The following KIF13B variants were observed in gnomAD, a reference collection of about 807,000 sequenced individuals.
KIF13B encodes kinesin family member 13B.
In KIF13B, 127 loss-of-function variants were observed where a neutral mutation model predicts 222.0. The observed-to-expected ratio is 0.57, with a 90% CI of 0.50 to 0.66. The LOEUF is 0.66. KIF13B is among the 30% of genes least tolerant of loss of function. KIF13B has a pLI of 0.00. For missense variants in KIF13B, 2,173 were observed against 2,379.0 expected (o/e 0.91, Z 1.80); for synonymous variants, 976 against 919.0 (o/e 1.06, Z -1.12).
At chr8:29,211,044 G>A (rs1814198330) in intron 2 of KIF13B, among the ~76,000 whole-genome samples, 1 of 152,220 alleles carries the variant, frequency 6.6e-6, no homozygotes, top group Non-Finnish European at 1.5e-5. Context: ...CACGGCCTAG[G>A]AGGGGTGCAA....
At position 29,196,201 on chromosome 8, in the gene KIF13B, T is replaced by C. The variant is rs866768960; in HGVS notation, c.150-2A>G. Reference sequence around the variant, plus strand: ...AAATCTCTTACCTTCGGCTGGCCCCTGAGCTCCCAAAACAGATGTCATCAT... The same window carrying C: ...AAATCTCTTACCTTCGGCTGGCCCCCGAGCTCCCAAAACAGATGTCATCAT... On this transcript the variant is annotated splice_acceptor_variant, in intron 2 of 39. Coordinates refer to ENST00000524189, the MANE Select transcript of KIF13B (RefSeq NM_015254.4). LOFTEE classifies it high-confidence loss of function. The C allele has an allele frequency of 6.4e-7, 1 of 1,561,824 alleles. No individual in the cohort carries two copies. The highest frequency in any genetic ancestry group is 8.7e-7 in the Non-Finnish European group (1 of 1,152,332).
In KIF13B at chr8:29,092,754, G is replaced by A. The variant is rs527307872; in HGVS notation, c.4449C>T (p.Leu1483=). 24 of 1,612,196 alleles carry A rather than the reference G, an allele frequency of 1.5e-5. No individual in the cohort carries two copies. Among genetic ancestry groups the A allele is most frequent in the Middle Eastern group, 1.7e-4 (1 of 6,050 alleles). The change falls in exon 37 of 40, where the codon CTC becomes CTT. Residue 1483 remains leucine (L), a synonymous_variant. Coordinates refer to ENST00000524189, the MANE Select transcript of KIF13B (RefSeq NM_015254.4). ...DEKRGKRPSP[L]AHQPVPRIMV... ...TCTCGGTGCTTTTTACCTGGTGTGCGAGGGGAGACGGCCGCTTGCCCCTCT... is the reference window on the plus strand; with the variant it reads ...TCTCGGTGCTTTTTACCTGGTGTGCAAGGGGAGACGGCCGCTTGCCCCTCT...
intron 37 of KIF13B, among the ~76,000 whole-genome samples, chr8:29,075,618 A>G (rs887819272): frequency 6.6e-6 from 1 of 152,238 alleles, no homozygotes; most frequent in African/African-American, 2.4e-5. Context: ...ACATATGCAC[A>G]TGTGAACCGA....
chr8:29,102,407 C>T (rs971513712), intron 35 of KIF13B, among the ~76,000 whole-genome samples: 10 of 152,244 alleles, frequency 6.6e-5, no homozygotes, highest in African/African-American at 2.2e-4. Flanking sequence ...CCCAGCTTTA[C>T]TGCCATTAGG....
At chr8:29,136,924 C>T (rs948736068) in intron 21 of KIF13B, among the ~76,000 whole-genome samples, 8 of 151,588 alleles carry the variant, frequency 5.3e-5, no homozygotes, top group Admixed American at 2.6e-4. Flanking sequence ...CTCAGCCTCC[C>T]GAGTAGCTGG....
Position 29,070,905 on chromosome 8 carries a change from G to A in KIF13B, c.5219-139C>T, listed in dbSNP as rs1807240463. ...CCTACACAGCCAGCACTCGGACACT[G>A]GCCATTGTCTGGCAGGGACTGGCTA... On this transcript the variant is annotated intron_variant, in intron 39 of 39. Transcript: ENST00000524189. This position sits in a 1 kb window ranked among gnomAD's most constrained non-coding sequence, Gnocchi z 4.1. The A allele has an allele frequency of 1.0e-6, 1 of 956,114 alleles. No homozygotes were observed. Among genetic ancestry groups the A allele is most frequent in the African/African-American group, 1.7e-5 (1 of 59,232 alleles). 59.2% of individuals were successfully genotyped at this position (956,114 alleles called of 1,614,324 possible). A position where few individuals can be genotyped will look rare whatever the true frequency, so the allele number is the denominator to read the frequency against.
At chr8:29,223,562 G>A (rs1447761741) in intron 2 of KIF13B, among the ~76,000 whole-genome samples, 3 of 152,126 alleles carry the variant, frequency 2.0e-5, no homozygotes, top group Non-Finnish European at 4.4e-5. Flanking sequence ...TAATTAATCT[G>A]CAATAAAATT....
chr8:29,207,764 C>A (rs1034989285), intron 2 of KIF13B, among the ~76,000 whole-genome samples: 3 of 151,902 alleles, frequency 2.0e-5, no homozygotes. Context: ...ACCAGGTATA[C>A]ACTTAATTTA....
chr8:29,137,891 C>T (rs888628356), intron 21 of KIF13B, among the ~76,000 whole-genome samples: 3 of 152,128 alleles, frequency 2.0e-5, no homozygotes, highest in Admixed American at 6.5e-5. Context: ...CCAACTGAAG[C>T]GGCTCCCACT....
chr8:29,253,534 C>T (rs886400134), intron 1 of KIF13B, among the ~76,000 whole-genome samples: 1 of 151,974 alleles, frequency 6.6e-6, no homozygotes, highest in Non-Finnish European at 1.5e-5. Context: ...TCAGCCTGGG[C>T]AACAGAATGA....
intron 11 of KIF13B, 60 bp from the exon 12 acceptor site, chr8:29,165,832 C>G: frequency 8.2e-7 from 1 of 1,220,348 alleles, no homozygotes; most frequent in Non-Finnish European, 1.2e-6. Context: ...AAAGAAGTGG[C>G]CAACTCTAAA....
At chr8:29,127,413 A>T in intron 24 of KIF13B, 145 bp from the exon 25 acceptor site, 2 of 567,630 alleles carry the variant, frequency 3.5e-6, no homozygotes, top group Non-Finnish European at 5.8e-6. Context: ...TTAAAATACA[A>T]ATTTAAAAAC....
At chr8:29,142,754 G>A (rs1239760970) in intron 18 of KIF13B, among the ~76,000 whole-genome samples, 1 of 152,114 alleles carries the variant, frequency 6.6e-6, no homozygotes, top group Non-Finnish European at 1.5e-5. Context: ...CACAAGAATT[G>A]CTTGAACCCA....
upstream of KIF13B, chr8:29,263,120 G>A: frequency 7.3e-7 from 1 of 1,362,838 alleles, no homozygotes; most frequent in Non-Finnish European, 1.0e-6. Flanking sequence ...GAGGGGGCCG[G>A]GGGCGGAGCC....
At chr8:29,136,578 C>T (rs1235287512) in intron 21 of KIF13B, among the ~76,000 whole-genome samples, 22 of 43,178 alleles carry the variant, frequency 5.1e-4, no homozygotes, top group Non-Finnish European at 9.3e-4. Flanking sequence ...AGCGAAACTC[C>T]GCTCAAAAAT....
At chr8:29,109,300 A>G in intron 34 of KIF13B, 134 bp downstream of exon 34, 1 of 702,136 alleles carries the variant, frequency 1.4e-6, no homozygotes, top group East Asian at 2.5e-5. Context: ...GGTGGAGACC[A>G]GGGGCCCTGA....
chr8:29,177,225 C>T (rs1276761460), intron 9 of KIF13B, among the ~76,000 whole-genome samples: 1 of 151,660 alleles, frequency 6.6e-6, no homozygotes, highest in Non-Finnish European at 1.5e-5. Flanking sequence ...CATCACCCCT[C>T]CCATGAAAAG....
intron 13 of KIF13B, among the ~76,000 whole-genome samples, chr8:29,157,572 G>T (rs183003349): frequency 2.6e-5 from 4 of 151,992 alleles, no homozygotes; most frequent in Non-Finnish European, 4.4e-5. Context: ...AGGTGTGGTG[G>T]CACATGCCTA....
rs538134875 is a variant in KIF13B, at chr8:29,129,614, G to A, written c.3075+919C>T. Among the ~76,000 whole-genome samples the A allele has an allele frequency of 2.8e-4, 43 of 151,856 alleles. 3 individuals carry two copies. The highest frequency in any genetic ancestry group is 1.0e-3 in the African/African-American group (42 of 41,442). On this transcript the variant is annotated intron_variant, in intron 24 of 39. Coordinates refer to ENST00000524189, the MANE Select transcript of KIF13B (RefSeq NM_015254.4). The stretch of plus-strand genomic sequence containing the variant: ...TAAAGTATGGAAACTCATAGAATAT[G>A]GCAGTCTCCTAAACAATGCATTAAA...
Sources: gnomAD v4.1 joint callset for allele counts (sites outside exome capture counted in the v4.1 genomes callset) on GRCh38, gnomAD v4.1.1 for gene constraint, Gnocchi (gnomAD v3.1) non-coding constraint, MANE v1.5 for transcripts, NCBI Gene and HGNC (gene_info 2026-07-23, HGNC 2026-07-21) for gene names.